Variants in ADAM18 observed in about 807,000 individuals in gnomAD.
ADAM18 encodes the protein ADAM metallopeptidase domain 18.
ADAM18 carries 117 observed loss-of-function variants against 94.4 expected under a neutral mutation model. The ratio of observed to expected loss-of-function variants is 1.24; its 90% CI spans 1.07 to 1.45. The LOEUF is 1.45. Ranked by LOEUF, ADAM18 falls within the 40% of genes most tolerant of loss-of-function variation. The probability of loss-of-function intolerance (pLI) is 0.00; values close to 1 mark genes in which losing one functional copy is unlikely to be tolerated. For synonymous variants in ADAM18, 327 were observed against 291.6 expected (o/e 1.12, Z -1.24); for missense variants, 936 against 880.0 (o/e 1.06, Z -0.81).
Position 39,630,833 on chromosome 8 carries a change from G to A in ADAM18, c.588+1394G>A, listed in dbSNP as rs532794435. Among the ~76,000 whole-genome samples, 39 of 151,904 alleles carry A rather than the reference G, an allele frequency of 2.6e-4. No homozygotes were observed. The East Asian group carries it at 6.4e-3, about 25-fold the overall frequency. ...GTTGAAAAGTTATTATAGTAATTTC[G>A]TATTCTATCAGCATTGTATGAAAGG... On this transcript the variant is annotated intron_variant, in intron 7 of 19. Transcript: ENST00000265707.
chr8:39,677,273 T>C (rs1821325100), intron 14 of ADAM18, among the ~76,000 whole-genome samples, 158 bp from the exon 15 acceptor site: 1 of 152,188 alleles, frequency 6.6e-6, no homozygotes, highest in Admixed American at 6.5e-5. Context: ...GATAAGACAA[T>C]TATTTCTTTC....
At chr8:39,677,401 A>T (rs1191851041) in intron 14 of ADAM18, 30 bp from the exon 15 acceptor site, 1 of 1,520,884 alleles carries the variant, frequency 6.6e-7, no homozygotes, top group African/African-American at 1.4e-5. Context: ...ATTAAGAATG[A>T]TAATTCAACT....
chr8:39,641,027 G>T (rs1820223111), intron 10 of ADAM18, among the ~76,000 whole-genome samples: 1 of 151,878 alleles, frequency 6.6e-6, no homozygotes, highest in South Asian at 2.1e-4. Flanking sequence ...AGTTTAATTA[G>T]TCAATTTTTG....
chr8:39,586,098 T>A (rs1213768192), intron 2 of ADAM18, among the ~76,000 whole-genome samples: 1 of 152,110 alleles, frequency 6.6e-6, no homozygotes. Context: ...AAATTATGAG[T>A]AAGGAAAAGA....
At chr8:39,665,550 T>G (rs1820973174) in intron 13 of ADAM18, among the ~76,000 whole-genome samples, 1 of 152,210 alleles carries the variant, frequency 6.6e-6, no homozygotes, top group Admixed American at 6.5e-5. Flanking sequence ...CTATCTTGAG[T>G]TCCCACCAGA....
intron 14 of ADAM18, among the ~76,000 whole-genome samples, chr8:39,673,738 C>G (rs942683364): frequency 6.6e-6 from 1 of 152,144 alleles, no homozygotes; most frequent in Non-Finnish European, 1.5e-5. Context: ...TAGATCTTTC[C>G]TGCTTTCTCT....
chr8:39,666,120 C>T (rs1344700666), intron 13 of ADAM18, among the ~76,000 whole-genome samples: 1 of 152,186 alleles, frequency 6.6e-6, no homozygotes, highest in Non-Finnish European at 1.5e-5. Flanking sequence ...TAGCTGCAAC[C>T]TCCACCTCCT....
At chr8:39,712,509 G>A (rs978565361) in intron 18 of ADAM18, among the ~76,000 whole-genome samples, 1 of 152,082 alleles carries the variant, frequency 6.6e-6, no homozygotes, top group African/African-American at 2.4e-5. Context: ...AATTGTCCCT[G>A]TTTGCAGATG....
rs529543722 is a variant in ADAM18, at chr8:39,698,083, C to T, written c.1902+5403C>T. ...TTTACACCAAATTTATGGTTTTGTA[C>T]TGTGTTCCAAATACATGTTAGATTT... On this transcript the variant is annotated intron_variant, in intron 17 of 19. Coordinates refer to ENST00000265707, the MANE Select transcript of ADAM18 (RefSeq NM_014237.3). Among the ~76,000 whole-genome samples the T allele has an allele frequency of 1.1e-4, 16 of 151,846 alleles. No homozygotes were observed. In the East Asian group the frequency reaches 1.4e-3, roughly 13 times the overall value.
At position 39,668,132 on chromosome 8, in the gene ADAM18, T is replaced by G. The variant is rs760224074; in HGVS notation, c.1461T>G (p.Thr487=). 3 of 1,614,012 alleles carry G rather than the reference T, an allele frequency of 1.9e-6. No individual in the cohort carries two copies. The highest frequency in any genetic ancestry group is 2.5e-6 in the Non-Finnish European group (3 of 1,180,010). ...ATGGCCGTTTGTGCAAGTTGGGAAC[T>G]GCCTATTGCTATAACGGACAATGTC... ...ALNGRLCKLG[T]AYCYNGQCQT... The change falls in exon 14 of 20, where the codon ACT becomes ACG. Residue 487 remains threonine, a synonymous_variant. Transcript: ENST00000265707.
chr8:39,687,403 A>G (rs1337032833), intron 16 of ADAM18, among the ~76,000 whole-genome samples: 5 of 152,212 alleles, frequency 3.3e-5, no homozygotes, highest in African/African-American at 1.2e-4. Flanking sequence ...TCATCAATTG[A>G]TTATTAATTT....
chr8:39,723,801 C>G lies in ADAM18; in HGVS notation c.2071C>G (p.Leu691Val). Residue 691 changes from leucine to valine, a missense_variant, in exon 19 of 20, where the codon CTG (leucine) becomes GTG (valine). Transcript: ENST00000265707. The part of the protein sequence containing the change: ...YNTHWNNWFI[L>V]SFCIFLPFFI... ...TACACACTGGAACAACTGGTTTATT[C>G]TGAGTTTCTGCATTTTTCTGCCGTT... 6.3e-7 allele frequency: 1 copy of G among 1,587,272 alleles called. No individual in the cohort carries two copies. Among genetic ancestry groups the G allele is most frequent in the Non-Finnish European group, 8.6e-7 (1 of 1,167,166 alleles).
chr8:39,603,660 C>A (rs1818974638), intron 2 of ADAM18, among the ~76,000 whole-genome samples: 1 of 152,194 alleles, frequency 6.6e-6, no homozygotes, highest in Non-Finnish European at 1.5e-5. Context: ...CCTGCAACAT[C>A]TCTGAGGTAA....
chr8:39,615,974 AT>A (rs1291575388), intron 6 of ADAM18, among the ~76,000 whole-genome samples: 4 of 152,250 alleles, frequency 2.6e-5, no homozygotes, highest in Admixed American at 2.6e-4. Context: ...CACAAAAAAA[AT>A]ATCTAGGAAT....
chr8:39,701,408 A>G (rs941445523), intron 17 of ADAM18, among the ~76,000 whole-genome samples: 12 of 151,870 alleles, frequency 7.9e-5, no homozygotes, highest in Non-Finnish European at 1.6e-4. Context: ...CTGACATTAT[A>G]TGCTCTTTAT....
intron 10 of ADAM18, among the ~76,000 whole-genome samples, chr8:39,641,002 G>A (rs557569484): frequency 5.3e-5 from 8 of 151,758 alleles, no homozygotes; most frequent in Non-Finnish European, 8.8e-5. Context: ...TTATTTTGTT[G>A]TGCAAAAGTT....
At chr8:39,653,819 T>G (rs1041540518) in intron 12 of ADAM18, among the ~76,000 whole-genome samples, 1 of 152,242 alleles carries the variant, frequency 6.6e-6, no homozygotes, top group African/African-American at 2.4e-5. Context: ...ATTTTCTTTG[T>G]GTTGGGAACG....
chr8:39,715,723 A>G (rs1822551857), intron 18 of ADAM18, among the ~76,000 whole-genome samples: 1 of 152,108 alleles, frequency 6.6e-6, no homozygotes, highest in Non-Finnish European at 1.5e-5. Context: ...GAACAACACA[A>G]TAAAACAAAA....
chr8:39,661,944 T>TC lies in ADAM18; in HGVS notation c.1231-1851_1231-1850insC, dbSNP rs1194768529. Among the ~76,000 whole-genome samples, 184 of 149,352 alleles carry TC rather than the reference T, an allele frequency of 1.2e-3. 2 individuals carry two copies. Among genetic ancestry groups the TC allele is most frequent in the African/African-American group, 4.3e-3 (178 of 41,022 alleles). On this transcript the variant is annotated intron_variant, in intron 12 of 19. Transcript: ENST00000265707. ...AGGCTTATTTTATATATATATATTT[T>TC]ATATATATATAAAGGCAACCAGATA...
Sources: allele counts gnomAD v4.1 joint callset (sites outside exome capture counted in the v4.1 genomes callset), GRCh38; gene constraint gnomAD v4.1.1; transcripts MANE v1.5; gene names NCBI Gene and HGNC (gene_info 2026-07-23, HGNC 2026-07-21).